The following GALNT13 variants were observed in gnomAD, a reference collection of about 807,000 sequenced individuals.
The protein encoded by GALNT13 is UDP-GalNAc:polypeptide N-acetylgalactosaminyltransferase 13.
Under a neutral mutation model 64.2 loss-of-function variants are expected in GALNT13, and 28 were observed. The ratio of observed to expected loss-of-function variants is 0.44; its 90% CI spans 0.32 to 0.60. The LOEUF is 0.60. Among genes scored for constraint, GALNT13 ranks in the 20% least tolerant of loss-of-function variants. GALNT13 has a pLI of 0.05. For synonymous variants in GALNT13, 214 were observed against 224.6 expected (o/e 0.95, Z 0.42); for missense variants, 577 against 669.8 (o/e 0.86, Z 1.53).
intron 2 of GALNT13, among the ~76,000 whole-genome samples, chr2:153,905,512 G>C (rs571083627): frequency 6.6e-6 from 1 of 151,942 alleles, no homozygotes; most frequent in South Asian, 2.1e-4. Flanking sequence ...TAGTCTCCTT[G>C]TCTCTCAAAG....
the GALNT13 span, chr2:153,592,803 A>T: frequency 6.6e-6 from 1 of 152,264 alleles, no homozygotes; most frequent in Admixed American, 6.5e-5. Flanking sequence ...TCTCCGGAAC[A>T]CACACCCCCA....
At chr2:154,400,262 G>GAAA (rs1446733035) in intron 10 of GALNT13, among the ~76,000 whole-genome samples, 11 of 152,096 alleles carry the variant, frequency 7.2e-5, no homozygotes, top group Non-Finnish European at 5.9e-5. Flanking sequence ...AATAATTAGA[G>GAAA]TCCCAAAGCA....
At chr2:153,077,385 T>C in the GALNT13 span, among the ~76,000 whole-genome samples, 95 of 152,212 alleles carry the variant, frequency 6.2e-4, no homozygotes, top group Non-Finnish European at 1.2e-3. Context: ...TGTGACTAAG[T>C]AGCAATTCAT....
intron 11 of GALNT13, among the ~76,000 whole-genome samples, chr2:154,431,669 C>G (rs991122595): frequency 2.6e-5 from 4 of 152,194 alleles, no homozygotes; most frequent in African/African-American, 4.8e-5. Context: ...GTGTCTCCAC[C>G]AAAATCTCAT....
At chr2:153,289,841 T>C in the GALNT13 span, among the ~76,000 whole-genome samples, 1 of 152,124 alleles carries the variant, frequency 6.6e-6, no homozygotes. Context: ...CAAAAAGAAA[T>C]GGTAAAATAG....
intron 3 of GALNT13, among the ~76,000 whole-genome samples, chr2:154,055,639 A>AT (rs1232589076): frequency 1.3e-5 from 2 of 152,102 alleles, no homozygotes; most frequent in African/African-American, 2.4e-5. Flanking sequence ...TTCTAGGTAA[A>AT]TAAAATGGTC....
chr2:153,590,486 C>T, the GALNT13 span, among the ~76,000 whole-genome samples: 7 of 149,884 alleles, frequency 4.7e-5, no homozygotes, highest in Admixed American at 4.6e-4. Context: ...TCAATGAGGC[C>T]AGTATTACAC....
chr2:153,266,097 G>C, the GALNT13 span, among the ~76,000 whole-genome samples: 1 of 152,156 alleles, frequency 6.6e-6, no homozygotes, highest in African/African-American at 2.4e-5. Flanking sequence ...CAAAAAATTT[G>C]TGTGACTTGT....
the GALNT13 span, among the ~76,000 whole-genome samples, chr2:153,637,134 A>G: frequency 2.6e-5 from 4 of 152,158 alleles, no homozygotes; most frequent in African/African-American, 9.6e-5. Context: ...AACATCATTT[A>G]TGGTTATTCA....
the GALNT13 span, among the ~76,000 whole-genome samples, chr2:153,194,550 C>T: frequency 6.6e-6 from 1 of 152,016 alleles, no homozygotes; most frequent in African/African-American, 2.4e-5. Context: ...AATATTATTA[C>T]TTTGAATTAT....
the GALNT13 span, among the ~76,000 whole-genome samples, chr2:153,207,000 G>A: frequency 6.6e-6 from 1 of 151,832 alleles, no homozygotes; most frequent in African/African-American, 2.4e-5. Context: ...CTTCTAAAAG[G>A]TATGGACTCT....
the GALNT13 span, among the ~76,000 whole-genome samples, chr2:153,616,074 A>G: frequency 6.6e-6 from 1 of 152,134 alleles, no homozygotes; most frequent in Admixed American, 6.5e-5. Context: ...GCGGTCTTAT[A>G]TTTAAGTCTT....
the GALNT13 span, among the ~76,000 whole-genome samples, chr2:153,367,253 G>C: frequency 6.6e-6 from 1 of 151,986 alleles, no homozygotes; most frequent in Non-Finnish European, 1.5e-5. Flanking sequence ...AAAGTAAAGG[G>C]TCTGATATCA....
intron 9 of GALNT13, among the ~76,000 whole-genome samples, chr2:154,375,761 T>C (rs913330007): frequency 6.6e-6 from 1 of 152,094 alleles, no homozygotes; most frequent in Admixed American, 6.6e-5. Flanking sequence ...AGAGGGACTG[T>C]TTTTTTGCAC....
chr2:153,093,095 C>A, the GALNT13 span, among the ~76,000 whole-genome samples: 1 of 151,902 alleles, frequency 6.6e-6, no homozygotes, highest in Non-Finnish European at 1.5e-5. Context: ...GCTTTTTCAG[C>A]ATCAATAGAA....
the GALNT13 span, among the ~76,000 whole-genome samples, chr2:153,164,039 G>A: frequency 6.6e-6 from 1 of 150,722 alleles, no homozygotes; most frequent in Admixed American, 6.6e-5. Context: ...AAAAAAATGT[G>A]ATCAGGCTGA....
At chr2:154,360,799 A>G (rs1428709426) in intron 9 of GALNT13, among the ~76,000 whole-genome samples, 1 of 152,104 alleles carries the variant, frequency 6.6e-6, no homozygotes, top group Non-Finnish European at 1.5e-5. Context: ...TTGATGTGGC[A>G]CCATGATAGC....
At chr2:154,185,906 T>C (rs1276855011) in intron 4 of GALNT13, among the ~76,000 whole-genome samples, 2 of 152,060 alleles carry the variant, frequency 1.3e-5, no homozygotes, top group East Asian at 3.9e-4. Flanking sequence ...TTTTCACTCA[T>C]GCTAAACTTT....
the GALNT13 span, among the ~76,000 whole-genome samples, chr2:153,142,891 T>C: frequency 6.6e-6 from 1 of 151,902 alleles, no homozygotes; most frequent in Non-Finnish European, 1.5e-5. Flanking sequence ...GATGTTAACA[T>C]GGTGGGTCCT....
Sources: allele counts gnomAD v4.1 joint callset (sites outside exome capture counted in the v4.1 genomes callset), GRCh38; gene constraint gnomAD v4.1.1; transcripts MANE v1.5; gene names NCBI Gene and HGNC (gene_info 2026-07-23, HGNC 2026-07-21).